MYO1D: variants seen among roughly 807,000 people sequenced by gnomAD.
MYO1D encodes myosin ID, also known as unconventional myosin-Id.
MYO1D carries 83 observed loss-of-function variants against 122.0 expected under a neutral mutation model. The ratio of observed to expected loss-of-function variants is 0.68; its 90% CI spans 0.57 to 0.82. The LOEUF is 0.82. Ranked by LOEUF, MYO1D falls within the 40% of genes least tolerant of loss-of-function variation. The pLI is 0.00. For missense variants in MYO1D, 1,157 were observed against 1,269.5 expected, an observed-to-expected ratio of 0.91 and a Z score of 1.35; for synonymous variants, 464 against 446.9, an observed-to-expected ratio of 1.04 and a Z score of -0.48.
chr17:32,683,989 G>T, intron 16 of MYO1D, among the ~76,000 whole-genome samples: 1 of 152,264 alleles, frequency 6.6e-6, no homozygotes, highest in South Asian at 2.1e-4. Flanking sequence ...CGCAATATTC[G>T]GGTGGGAGTG....
intron 20 of MYO1D, among the ~76,000 whole-genome samples, chr17:32,636,312 CACT>C (rs975334042): frequency 3.3e-5 from 5 of 152,164 alleles, no homozygotes; most frequent in African/African-American, 1.2e-4. Context: ...GCTTCTCCAA[CACT>C]ATTATTAGCA....
At position 32,755,588 on chromosome 17, in the gene MYO1D, A is replaced by G. The variant is rs1196105089; in HGVS notation, c.1371T>C (p.Asp457=). ...QQHKGIIAIL[D]DACMNVGKVT... ...CTTTGCCGACATTCATGCAAGCATC[A>G]TCAAGGATTGCAATGATCCCTTTGT... The change falls in exon 11 of 22, where the codon GAT becomes GAC. Residue 457 remains aspartate (D), a synonymous_variant. Transcript: ENST00000318217. The G allele has an allele frequency of 6.2e-7, 1 of 1,613,822 alleles. No homozygotes were observed. The highest frequency in any genetic ancestry group is 1.1e-5 in the South Asian group (1 of 91,074).
rs377147213 is a variant in MYO1D, at chr17:32,728,440, T to C, written c.1747-7251A>G. Among the ~76,000 whole-genome samples, 840 of 152,230 alleles carry C rather than the reference T, an allele frequency of 5.5e-3. 7 individuals carry two copies. Among genetic ancestry groups the C allele is most frequent in the African/African-American group, 0.018 (753 of 41,538 alleles). ...CCAGGCTGGTCTTGAACTCCTGATCTTGTGATCTGCCCACCTTGGACTCCC... is the reference window on the plus strand; with the variant it reads ...CCAGGCTGGTCTTGAACTCCTGATCCTGTGATCTGCCCACCTTGGACTCCC... On this transcript the variant is annotated intron_variant, in intron 14 of 21. Coordinates refer to ENST00000318217, the MANE Select transcript of MYO1D (RefSeq NM_015194.3).
In MYO1D at chr17:32,496,368, G is replaced by A. The variant is rs137964302; in HGVS notation, c.2865-1453C>T. 7 of 152,338 alleles carry A rather than the reference G, an allele frequency of 4.6e-5. No individual in the cohort carries two copies. The South Asian group carries it at 6.2e-4, about 14-fold the overall frequency. 9.4% of individuals were successfully genotyped at this position (152,338 alleles called of 1,614,324 possible). A position where few individuals can be genotyped will look rare whatever the true frequency, so the allele number is the denominator to read the frequency against. On this transcript the variant is annotated intron_variant, in intron 21 of 21. Transcript: ENST00000318217. Reference sequence around the variant, plus strand: ...TCTCACGGACACAGGAAGAGACCCCGGTTGTCACTTGTGGGCATTACGTAT... The same window carrying A: ...TCTCACGGACACAGGAAGAGACCCCAGTTGTCACTTGTGGGCATTACGTAT...
chr17:32,780,323 T>C (rs1009086916), intron 2 of MYO1D, among the ~76,000 whole-genome samples: 1 of 152,298 alleles, frequency 6.6e-6, no homozygotes, highest in South Asian at 2.1e-4. Context: ...ACATTTTCCA[T>C]GTCAGCTCAA....
chr17:32,795,564 A>C (rs1411486545), intron 1 of MYO1D, among the ~76,000 whole-genome samples: 1 of 152,196 alleles, frequency 6.6e-6, no homozygotes, highest in Non-Finnish European at 1.5e-5. Flanking sequence ...AAAATACAAT[A>C]AAGAAGCTAT....
At chr17:32,549,078 A>C (rs1331215532) in intron 21 of MYO1D, among the ~76,000 whole-genome samples, 3 of 152,044 alleles carry the variant, frequency 2.0e-5, no homozygotes, top group Non-Finnish European at 4.4e-5. Context: ...TATATGTTAC[A>C]CAAAATGCAT....
At chr17:32,511,510 C>G (rs552493016) in intron 21 of MYO1D, among the ~76,000 whole-genome samples, 53 of 151,284 alleles carry the variant, frequency 3.5e-4, no homozygotes, top group African/African-American at 1.3e-3. Context: ...TCCAGCTCCC[C>G]CCGCGAACTT....
At chr17:32,668,893 G>A (rs1187652293) in intron 16 of MYO1D, among the ~76,000 whole-genome samples, 2 of 151,872 alleles carry the variant, frequency 1.3e-5, no homozygotes, top group Non-Finnish European at 2.9e-5. Context: ...TAGTAGAGAC[G>A]CGGTTTTACC....
At position 32,593,444 on chromosome 17, in the gene MYO1D, T is replaced by C. The variant is rs115448371; in HGVS notation, c.2864+11643A>G. On this transcript the variant is annotated intron_variant, in intron 21 of 21. Transcript: ENST00000318217. Reference sequence around the variant, plus strand: ...ACTTGGTTGGGCATACAATTGTTGCTCTCTAAGCTTTTCTCCTTAGAAGAC... The same window carrying C: ...ACTTGGTTGGGCATACAATTGTTGCCCTCTAAGCTTTTCTCCTTAGAAGAC... Among the ~76,000 whole-genome samples, 1,463 of 152,284 alleles carry C rather than the reference T, an allele frequency of 9.6e-3. 24 individuals are homozygous for C. Among genetic ancestry groups the C allele is most frequent in the African/African-American group, 0.034 (1,395 of 41,544 alleles).
At chr17:32,724,609 G>A (rs1047112478) in intron 14 of MYO1D, among the ~76,000 whole-genome samples, 1 of 152,142 alleles carries the variant, frequency 6.6e-6, no homozygotes, top group Admixed American at 6.5e-5. Context: ...TGGGATCTGA[G>A]TAGTGATTCT....
chr17:32,733,100 C>A (rs1410784861), intron 14 of MYO1D, among the ~76,000 whole-genome samples: 1 of 152,194 alleles, frequency 6.6e-6, no homozygotes, highest in African/African-American at 2.4e-5. Context: ...CTCCCCTTGC[C>A]ATTCTGTGCC....
chr17:32,818,802 G>C (rs949145683), intron 1 of MYO1D, among the ~76,000 whole-genome samples: 13 of 152,198 alleles, frequency 8.5e-5, no homozygotes, highest in Non-Finnish European at 1.0e-4. Flanking sequence ...TATGCAATAG[G>C]ATACCAGGGT....
chr17:32,845,553 TA>T (rs1321054585), intron 1 of MYO1D, among the ~76,000 whole-genome samples: 2 of 151,326 alleles, frequency 1.3e-5, no homozygotes, highest in Non-Finnish European at 2.9e-5. Flanking sequence ...CCTTATAAGA[TA>T]AACAGTCTCA....
intron 1 of MYO1D, among the ~76,000 whole-genome samples, chr17:32,826,345 C>T (rs1259909820): frequency 6.6e-6 from 1 of 151,482 alleles, no homozygotes; most frequent in South Asian, 2.1e-4. Flanking sequence ...AGGAAGTCAA[C>T]AAAAGTTTGT....
chr17:32,657,273 C>T (rs1288042161), intron 17 of MYO1D, among the ~76,000 whole-genome samples: 1 of 152,220 alleles, frequency 6.6e-6, no homozygotes, highest in African/African-American at 2.4e-5. Context: ...TTCTTTAATA[C>T]ATCTCTCTCT....
intron 16 of MYO1D, among the ~76,000 whole-genome samples, chr17:32,705,398 T>G (rs1485227557): frequency 6.6e-6 from 1 of 151,976 alleles, no homozygotes. Context: ...TAGCTGGGAC[T>G]ACAGGAGTCC....
At chr17:32,698,652 A>G (rs1293467570) in intron 16 of MYO1D, among the ~76,000 whole-genome samples, 3 of 152,154 alleles carry the variant, frequency 2.0e-5, no homozygotes, top group African/African-American at 7.2e-5. Flanking sequence ...GCTGGTTTAC[A>G]AAATTATCGT....
At chr17:32,585,033 C>T (rs2087374137) in intron 21 of MYO1D, among the ~76,000 whole-genome samples, 1 of 152,136 alleles carries the variant, frequency 6.6e-6, no homozygotes. Context: ...TCAAAGAAGC[C>T]TCAGATGTGG....
Sources: allele counts gnomAD v4.1 joint callset (sites outside exome capture counted in the v4.1 genomes callset), GRCh38; gene constraint gnomAD v4.1.1; transcripts MANE v1.5; gene names NCBI Gene and HGNC (gene_info 2026-07-23, HGNC 2026-07-21).